The following ITGA8 variants were observed in gnomAD, a reference collection of about 807,000 sequenced individuals.
The protein encoded by ITGA8 is integrin subunit alpha 8.
ITGA8 carries 91 observed loss-of-function variants against 142.3 expected under a neutral mutation model. The ratio of observed to expected loss-of-function variants is 0.64; its 90% confidence interval spans 0.54 to 0.76. The LOEUF is 0.76. ITGA8 is among the 30% of genes least tolerant of loss of function. ITGA8 has a pLI of 0.00. For synonymous variants in ITGA8, 505 were observed against 485.2 expected (o/e 1.04, Z -0.54); for missense variants, 1,406 against 1,327.7 (o/e 1.06, Z -0.92).
chr10:15,609,038 G>A (rs1403789395), intron 15 of ITGA8, among the ~76,000 whole-genome samples: 2 of 152,114 alleles, frequency 1.3e-5, no homozygotes, highest in Non-Finnish European at 2.9e-5. Context: ...GAGGGCAGAT[G>A]TCCATGAGAG....
chr10:15,600,493 C>G (rs1335091207), intron 20 of ITGA8, among the ~76,000 whole-genome samples: 2 of 152,070 alleles, frequency 1.3e-5, no homozygotes, highest in East Asian at 3.9e-4. Flanking sequence ...AACAAGCTCT[C>G]CGTGTCATTA....
rs770613585 is a variant in ITGA8 at position 15,558,166 on chromosome 10, C to G, written c.2674G>C (p.Ala892Pro). ...ASPEDTPELS[A>P]FLRNSTIPHL... ...GGAATAGTAGAGTTTCGCAAAAAGGCGCTGAGCTCAGGGGTGTCCTCTGGG... is the reference window on the plus strand; with the variant it reads ...GGAATAGTAGAGTTTCGCAAAAAGGGGCTGAGCTCAGGGGTGTCCTCTGGG... The change falls in exon 26 of 30, where the codon GCC becomes CCC. Residue 892 changes from alanine (A) to proline (P), a missense_variant. Physicochemically the swap from Ala to Pro is conservative, Grantham distance 27 (BLOSUM62 -1). Coordinates refer to ENST00000378076, the MANE Select transcript of ITGA8 (RefSeq NM_003638.3). The G allele has an allele frequency of 6.2e-7, 1 of 1,614,180 alleles. No homozygotes were observed. The highest frequency in any genetic ancestry group is 1.7e-5 in the Admixed American group (1 of 60,028).
intron 13 of ITGA8, among the ~76,000 whole-genome samples, chr10:15,636,607 G>C (rs1215964342): frequency 6.6e-6 from 1 of 152,012 alleles, no homozygotes; most frequent in East Asian, 1.9e-4. Context: ...TCAAATCTGA[G>C]TCATCTTTTA....
chr10:15,719,514 C>G, intron 1 of ITGA8, 49 bp downstream of exon 1: 1 of 1,473,258 alleles, frequency 6.8e-7, no homozygotes, highest in African/African-American at 1.5e-5. Flanking sequence ...GGACCTGACC[C>G]GGGAGCGCCT....
chr10:15,565,640 A>T (rs569903220), intron 25 of ITGA8, among the ~76,000 whole-genome samples: 4 of 110,046 alleles, frequency 3.6e-5, no homozygotes, highest in African/African-American at 1.4e-4. Context: ...CTCAGACTGG[A>T]GTGTAGTGAC....
chr10:15,649,927 A>T (rs771788796), intron 11 of ITGA8, among the ~76,000 whole-genome samples: 17 of 152,220 alleles, frequency 1.1e-4, no homozygotes, highest in Non-Finnish European at 2.1e-4. Context: ...CACAATCACA[A>T]AATTACACTC....
In ITGA8 at chr10:15,718,753, A is replaced by G. The variant is rs1170490634; in HGVS notation, c.343+13T>C. 1 of 1,613,398 alleles carries G rather than the reference A, an allele frequency of 6.2e-7. No individual in the cohort carries two copies. Among genetic ancestry groups the G allele is most frequent in the Admixed American group, 1.7e-5 (1 of 60,002 alleles). ...ACCCAGGCCCACAGCTTAGAAGGAC[A>G]AATCTCACTTACTGGTGGTGTCAAA... On this transcript the variant is annotated intron_variant, in intron 2 of 29. Transcript: ENST00000378076.
chr10:15,608,417 A>C (rs1833237442), intron 15 of ITGA8, 127 bp from the exon 16 acceptor site: 2 of 571,352 alleles, frequency 3.5e-6, no homozygotes, highest in East Asian at 3.1e-5. Flanking sequence ...ACACACACAC[A>C]CACACACCCA....
rs757308474 is a variant in ITGA8 at position 15,653,267 on chromosome 10, G to T, written c.1001+2087C>A. Among the ~76,000 whole-genome samples the T allele has an allele frequency of 5.8e-4, 89 of 152,238 alleles. 3 individuals carry two copies. Among genetic ancestry groups the T allele is most frequent in the South Asian group, 4.1e-4 (2 of 4,824 alleles). ...GGACTCTTAACCCTGAGACCTTCAT[G>T]ATCTACCCAGTTGGGGATTGTATCC... On this transcript the variant is annotated intron_variant, in intron 11 of 29. Transcript: ENST00000378076.
chr10:15,660,668 A>T lies in ITGA8; in HGVS notation c.891+211T>A, dbSNP rs1217436778. Among the ~76,000 whole-genome samples, 8 of 152,200 alleles carry T rather than the reference A, an allele frequency of 5.3e-5. No individual in the cohort carries two copies. In the East Asian group the frequency reaches 5.8e-4, roughly 11 times the overall value. ...AGATATGAACACTTCATTATAAAAT[A>T]GGCTTTTGCCTAAGTGTGGGCTAAT... On this transcript the variant is annotated intron_variant, in intron 9 of 29. Coordinates refer to ENST00000378076, the MANE Select transcript of ITGA8 (RefSeq NM_003638.3).
intron 23 of ITGA8, among the ~76,000 whole-genome samples, chr10:15,585,429 T>C (rs1298488455): frequency 6.6e-6 from 1 of 152,176 alleles, no homozygotes; most frequent in Admixed American, 6.5e-5. Flanking sequence ...TATTCTCTAA[T>C]CCGCTAGGGG....
At position 15,684,016 on chromosome 10, in the gene ITGA8, G is replaced by A. The variant is rs1834790059; in HGVS notation, c.556C>T (p.Pro186Ser). Residue 186 changes from proline (P) to serine (S), a missense_variant, in exon 4 of 30, where the codon CCT becomes TCT. By Grantham distance (74) the Pro-to-Ser change is moderately conservative. Transcript: ENST00000378076. ...AAAAGTTGCTTACTGTTCCGGCAAGGAGAGAACTCGGCATAGGCGCTGAAG... is the reference window on the plus strand; with the variant it reads ...AAAAGTTGCTTACTGTTCCGGCAAGAAGAGAACTCGGCATAGGCGCTGAAG... ...QNFSAYAEFS[P>S]CRNSNADPEG... The A allele has an allele frequency of 6.2e-7, 1 of 1,614,012 alleles. No homozygotes were observed. Among genetic ancestry groups the A allele is most frequent in the South Asian group, 1.1e-5 (1 of 91,072 alleles).
chr10:15,660,783 T>C, intron 9 of ITGA8, 96 bp downstream of exon 9: 3 of 1,009,674 alleles, frequency 3.0e-6, no homozygotes, highest in Non-Finnish European at 4.6e-6. Flanking sequence ...ACTGACAGTA[T>C]TTTCAATTTA....
intron 6 of ITGA8, among the ~76,000 whole-genome samples, chr10:15,675,240 T>C (rs1236264232): frequency 1.3e-5 from 2 of 152,136 alleles, no homozygotes; most frequent in African/African-American, 2.4e-5. Context: ...TCTCAAATAT[T>C]TTCATACACA....
intron 23 of ITGA8, among the ~76,000 whole-genome samples, chr10:15,577,952 T>G (rs951472507): frequency 1.3e-5 from 2 of 152,178 alleles, no homozygotes; most frequent in African/African-American, 4.8e-5. Flanking sequence ...TTAGTTTTTT[T>G]AAAATTAAAC....
At chr10:15,643,499 C>T (rs566889686) in intron 13 of ITGA8, among the ~76,000 whole-genome samples, 26 of 152,086 alleles carry the variant, frequency 1.7e-4, no homozygotes, top group Non-Finnish European at 3.4e-4. Context: ...AGGCTGGTCT[C>T]GAACTCCTGA....
chr10:15,523,886 C>T (rs957187561), intron 28 of ITGA8, among the ~76,000 whole-genome samples: 4 of 151,898 alleles, frequency 2.6e-5, no homozygotes, highest in East Asian at 1.9e-4. Flanking sequence ...GAGCCAAGAT[C>T]GCACCACTGC....
At chr10:15,523,444 T>C (rs533194637) in intron 28 of ITGA8, among the ~76,000 whole-genome samples, 106 of 152,232 alleles carry the variant, frequency 7.0e-4, no homozygotes, top group Non-Finnish European at 1.3e-3. Flanking sequence ...TGGCTTTCTG[T>C]TTACATTTGC....
intron 25 of ITGA8, among the ~76,000 whole-genome samples, chr10:15,566,828 A>AG (rs1588648530): frequency 1.1e-5 from 1 of 90,370 alleles, no homozygotes; most frequent in Admixed American, 1.5e-4. Flanking sequence ...AGAAAAAAAA[A>AG]GAGGCCGGGT....
Sources: allele counts gnomAD v4.1 joint callset (sites outside exome capture counted in the v4.1 genomes callset), GRCh38; gene constraint gnomAD v4.1.1; transcripts MANE v1.5; gene names NCBI Gene and HGNC (gene_info 2026-07-23, HGNC 2026-07-21).